Variants in PLCG2 observed in about 807,000 individuals in gnomAD.
PLCG2 encodes phospholipase C gamma 2.
In PLCG2, 69 loss-of-function variants were observed where a neutral mutation model predicts 175.6. The ratio of observed to expected loss-of-function variants is 0.39; its 90% CI spans 0.32 to 0.48. The LOEUF is 0.48. PLCG2 is among the 20% of genes least tolerant of loss of function. The pLI is 0.91. For missense variants in PLCG2, 1,798 were observed against 1,650.9 expected (o/e 1.09, Z -1.54); for synonymous variants, 827 against 624.0 (o/e 1.33, Z -4.85).
chr16:81,745,483 G>T (rs183802368), intron 1 of PLCG2, among the ~76,000 whole-genome samples: 3 of 152,260 alleles, frequency 2.0e-5, no homozygotes, highest in Non-Finnish European at 4.4e-5. Context: ...TAACAACCGA[G>T]ATAACATGGA....
intron 7 of PLCG2, among the ~76,000 whole-genome samples, chr16:81,872,751 T>C (rs1490684594): frequency 2.0e-5 from 3 of 152,242 alleles, no homozygotes; most frequent in East Asian, 3.8e-4. Context: ...CTGTGGTTTC[T>C]GCAGTTAGCT....
In PLCG2 at chr16:81,805,767, G is replaced by GTTTTTTTTT. The variant is rs766609754; in HGVS notation, c.193+19592_193+19600dup. Among the ~76,000 whole-genome samples the GTTTTTTTTT allele has an allele frequency of 8.6e-4, 34 of 39,486 alleles. 3 individuals carry two copies. Among genetic ancestry groups the GTTTTTTTTT allele is most frequent in the Non-Finnish European group, 1.0e-3 (19 of 18,734 alleles). 25.9% of individuals were successfully genotyped at this position (39,486 alleles called of 152,430 possible). ...AGCCATGAGAGTAGTGTTTTGTTTT[G>GTTTTTTTTT]TTTTTTTTTTTTTTTGTTTTTTTTT... On this transcript the variant is annotated intron_variant, in intron 2 of 32. Coordinates refer to ENST00000564138, the MANE Select transcript of PLCG2 (RefSeq NM_002661.5).
chr16:81,900,449 C>A (rs1567523390), intron 13 of PLCG2, among the ~76,000 whole-genome samples, 163 bp from the exon 14 acceptor site: 1 of 152,226 alleles, frequency 6.6e-6, no homozygotes, highest in Non-Finnish European at 1.5e-5. Context: ...GCCTTCACAC[C>A]CAGGATGAGG....
chr16:81,907,300 C>T (rs1360657378), intron 15 of PLCG2, among the ~76,000 whole-genome samples: 7 of 147,610 alleles, frequency 4.7e-5, no homozygotes, highest in Non-Finnish European at 9.0e-5. Flanking sequence ...TAAATTTCAT[C>T]GGGGGAAAAA....
At position 81,836,712 on chromosome 16, in the gene PLCG2, C is replaced by T. The variant is rs568625139; in HGVS notation, c.194-17732C>T. Among the ~76,000 whole-genome samples the T allele has an allele frequency of 7.9e-5, 12 of 152,320 alleles. 1 individual carries two copies. In the South Asian group the frequency reaches 1.9e-3, roughly 24 times the overall value. On this transcript the variant is annotated intron_variant, in intron 2 of 32. Transcript: ENST00000564138. Reference sequence around the variant, plus strand: ...CTGAGATTGTGCCACTGCACTCCAACCTCAGCAACAGAGCAACACTATGTC... The same window carrying T: ...CTGAGATTGTGCCACTGCACTCCAATCTCAGCAACAGAGCAACACTATGTC...
intron 2 of PLCG2, among the ~76,000 whole-genome samples, chr16:81,800,622 G>A (rs188849919): frequency 1.7e-3 from 263 of 152,074 alleles, no homozygotes; most frequent in African/African-American, 5.6e-3. Flanking sequence ...TTGTTGATGG[G>A]CATTTGGGTT....
intron 13 of PLCG2, among the ~76,000 whole-genome samples, chr16:81,896,404 ACACACACACACACACACACAC>A (rs1908890623): frequency 6.9e-6 from 1 of 145,204 alleles, no homozygotes. Flanking sequence ...ACACACACAC[ACACACACACACACACACACAC>A]AAATCATCTG....
At chr16:81,825,355 C>T (rs145841372) in intron 2 of PLCG2, among the ~76,000 whole-genome samples, 12,878 of 139,082 alleles carry the variant, frequency 0.093, 638 homozygotes, top group Middle Eastern at 0.17. Flanking sequence ...ATGGCATGAT[C>T]ACAGCTCACT....
intron 5 of PLCG2, among the ~76,000 whole-genome samples, chr16:81,860,274 C>T (rs1197924722): frequency 2.1e-5 from 3 of 146,060 alleles, no homozygotes; most frequent in African/African-American, 5.1e-5. Flanking sequence ...ATTGTCATTT[C>T]GGAAATCATT....
intron 1 of PLCG2, among the ~76,000 whole-genome samples, chr16:81,785,247 C>G (rs895972915): frequency 6.6e-6 from 1 of 151,966 alleles, no homozygotes; most frequent in African/African-American, 2.4e-5. Flanking sequence ...AGGTGCTGGC[C>G]GTCACCCCAG....
At chr16:81,949,009 G>C (rs748633395) in intron 31 of PLCG2, among the ~76,000 whole-genome samples, 1 of 152,194 alleles carries the variant, frequency 6.6e-6, no homozygotes, top group Non-Finnish European at 1.5e-5. Flanking sequence ...CTGGAATTCA[G>C]AGAATAGACC....
chr16:81,776,101 T>TTTTCTTTTTTTCTTTCTTTC (rs770091973), upstream of PLCG2, among the ~76,000 whole-genome samples: 2 of 55,364 alleles, frequency 3.6e-5, no homozygotes, highest in Non-Finnish European at 8.2e-5. Flanking sequence ...TTCTTTCTTT[T>TTTTCTTTTTTTCTTTCTTTC]TTTCCTTCTT....
At chr16:81,911,790 CTTTTTTT>C (rs35027472) in intron 18 of PLCG2, among the ~76,000 whole-genome samples, 29 of 67,254 alleles carry the variant, frequency 4.3e-4, no homozygotes, top group South Asian at 3.1e-3. Flanking sequence ...TTTGTATTTC[CTTTTTTT>C]TTTTTTTTTT....
At chr16:81,873,730 G>A (rs147468519) in intron 7 of PLCG2, among the ~76,000 whole-genome samples, 1 of 152,164 alleles carries the variant, frequency 6.6e-6, no homozygotes, top group African/African-American at 2.4e-5. Context: ...AGGAGTTTGA[G>A]ACTAGCCTGG....
chr16:81,757,220 C>T (rs1196155535), intron 2 of PLCG2, among the ~76,000 whole-genome samples: 1 of 152,068 alleles, frequency 6.6e-6, no homozygotes, highest in African/African-American at 2.4e-5. Flanking sequence ...TCTCTTTATC[C>T]AATCATTCAT....
At chr16:81,870,096 C>G (rs966006441) in intron 6 of PLCG2, among the ~76,000 whole-genome samples, 2 of 152,138 alleles carry the variant, frequency 1.3e-5, no homozygotes, top group African/African-American at 2.4e-5. Flanking sequence ...TTGACCTGCC[C>G]CCAATATTCC....
intron 1 of PLCG2, among the ~76,000 whole-genome samples, chr16:81,743,865 CT>C (rs200988694): frequency 2.2e-4 from 33 of 146,686 alleles, no homozygotes; most frequent in Admixed American, 1.4e-4. Flanking sequence ...TTTTCTTTTT[CT>C]TTTTTTTTTT....
At chr16:81,801,569 G>C (rs75994869) in intron 2 of PLCG2, among the ~76,000 whole-genome samples, 247 of 152,240 alleles carry the variant, frequency 1.6e-3, no homozygotes, top group Non-Finnish European at 2.3e-3. Context: ...TGATACTCCC[G>C]ATTCCAGCAA....
intron 2 of PLCG2, among the ~76,000 whole-genome samples, chr16:81,757,797 C>T (rs1043851130): frequency 3.3e-5 from 5 of 152,066 alleles, no homozygotes; most frequent in African/African-American, 1.2e-4. Context: ...AACCCAGTAC[C>T]CCTTAGGCCG....
Sources: allele counts gnomAD v4.1 joint callset (sites outside exome capture counted in the v4.1 genomes callset), GRCh38; gene constraint gnomAD v4.1.1; transcripts MANE v1.5; gene names NCBI Gene and HGNC (gene_info 2026-07-23, HGNC 2026-07-21).